NXPE4: variants seen among roughly 807,000 people sequenced by gnomAD.
NXPE4 encodes NXPE family member 4.
Under a neutral mutation model 33.3 loss-of-function variants are expected in NXPE4, and 42 were observed. The ratio of observed to expected loss-of-function variants is 1.26; its 90% confidence interval spans 0.98 to 1.63. NXPE4 has a LOEUF of 1.63. Ranked by LOEUF, NXPE4 falls within the 40% of genes most tolerant of loss-of-function variation. NXPE4 has a pLI of 0.00. For missense variants in NXPE4, 709 were observed against 647.6 expected, an observed-to-expected ratio of 1.09 and a Z score of -1.03; for synonymous variants, 253 against 234.9, an observed-to-expected ratio of 1.08 and a Z score of -0.71.
chr11:114,630,849 AAAAAG>A, the NXPE4 span, among the ~76,000 whole-genome samples: 45 of 152,004 alleles, frequency 3.0e-4, no homozygotes, highest in African/African-American at 1.1e-3. Flanking sequence ...CAACCCCATC[AAAAAG>A]TGGGCAAAGG....
the NXPE4 span, among the ~76,000 whole-genome samples, chr11:114,637,977 G>A: frequency 0.14 from 21,834 of 151,270 alleles, 1,998 homozygotes; most frequent in East Asian, 0.38. Context: ...TCTTTGTGGC[G>A]TTCTCTGTAT....
the NXPE4 span, among the ~76,000 whole-genome samples, chr11:114,644,879 T>C: frequency 1.3e-5 from 2 of 151,844 alleles, no homozygotes; most frequent in Admixed American, 1.3e-4. Flanking sequence ...TATAAACAAA[T>C]TGACCACTAA....
the NXPE4 span, among the ~76,000 whole-genome samples, chr11:114,650,921 C>T: frequency 6.6e-6 from 1 of 152,094 alleles, no homozygotes; most frequent in South Asian, 2.1e-4. Flanking sequence ...CCTGGTAATA[C>T]TGGCTAACAG....
At chr11:114,601,658 A>AT in the NXPE4 span, among the ~76,000 whole-genome samples, 19 of 41,618 alleles carry the variant, frequency 4.6e-4, no homozygotes, top group African/African-American at 2.0e-3. Context: ...TATATATTAT[A>AT]AATAATTATA....
chr11:114,610,421 T>C, the NXPE4 span, among the ~76,000 whole-genome samples: 1 of 151,916 alleles, frequency 6.6e-6, no homozygotes. Context: ...TAATACCTAT[T>C]GCCTCTCGGG....
chr11:114,613,861 G>C, the NXPE4 span, among the ~76,000 whole-genome samples: 7,420 of 151,658 alleles, frequency 0.049, 608 homozygotes, highest in African/African-American at 0.17. Context: ...TTGCCTAATA[G>C]GTAACCACTT....
At chr11:114,602,669 C>G in the NXPE4 span, among the ~76,000 whole-genome samples, 1 of 141,108 alleles carries the variant, frequency 7.1e-6, no homozygotes, top group Non-Finnish European at 1.5e-5. Flanking sequence ...ATAATAATTA[C>G]AGAATCATAT....
the NXPE4 span, among the ~76,000 whole-genome samples, chr11:114,639,844 A>AAAATATAATATATATTATATTAAATATT: frequency 1.6e-4 from 18 of 110,488 alleles, no homozygotes; most frequent in Non-Finnish European, 2.8e-4. Context: ...TATTAAATAT[A>AAAATATAATATATATTATATTAAATATT]AAATATAATA....
chr11:114,613,013 C>T, the NXPE4 span, among the ~76,000 whole-genome samples: 1 of 151,932 alleles, frequency 6.6e-6, no homozygotes, highest in Non-Finnish European at 1.5e-5. Flanking sequence ...TTAGTGTTGC[C>T]TCTAGGGTAA....
chr11:114,610,866 C>T, the NXPE4 span, among the ~76,000 whole-genome samples: 21 of 151,854 alleles, frequency 1.4e-4, no homozygotes, highest in South Asian at 8.3e-4. Context: ...CACTGTTCCC[C>T]GGGGGAAAAT....
chr11:114,580,340 T>G lies in NXPE4; in HGVS notation c.893-2A>C. 1 of 1,613,334 alleles carries G rather than the reference T, an allele frequency of 6.2e-7. No homozygotes were observed. The highest frequency in any genetic ancestry group is 1.1e-5 in the South Asian group (1 of 91,068). On this transcript the variant is annotated splice_acceptor_variant, in intron 4 of 5. Transcript: ENST00000375478. LOFTEE classifies it high-confidence loss of function. ...TCTCTTTCATTGCAACTGTTTCTTC[T>G]GCCAAAGAATCAATGAGATAGGATC... is the stretch of plus-strand genomic sequence containing the variant.
intron 2 of NXPE4, chr11:114,583,899 C>A: frequency 5.1e-6 from 2 of 390,692 alleles, no homozygotes; most frequent in Non-Finnish European, 1.0e-5. Flanking sequence ...GTTATTGGGG[C>A]TGGCAAAGGC....
At chr11:114,627,279 G>GA in the NXPE4 span, among the ~76,000 whole-genome samples, 1 of 151,980 alleles carries the variant, frequency 6.6e-6, no homozygotes, top group African/African-American at 2.4e-5. Context: ...GAAAGGTCGG[G>GA]TTACCCTCAA....
intron 5 of NXPE4, among the ~76,000 whole-genome samples, chr11:114,579,581 T>C (rs554741774): frequency 1.3e-5 from 2 of 152,218 alleles, no homozygotes; most frequent in Non-Finnish European, 2.9e-5. Flanking sequence ...ATGACAGTAA[T>C]GATACCTTAC....
At chr11:114,605,632 G>C in the NXPE4 span, among the ~76,000 whole-genome samples, 3 of 151,546 alleles carry the variant, frequency 2.0e-5, no homozygotes, top group Non-Finnish European at 2.9e-5. Context: ...GTGTTGCCTC[G>C]TGGGTAACCA....
At chr11:114,597,525 C>T (rs113696314), upstream of NXPE4, among the ~76,000 whole-genome samples, 4 of 152,282 alleles carry the variant, frequency 2.6e-5, no homozygotes, top group African/African-American at 9.6e-5. Context: ...CATTTTTATG[C>T]ATACATGGGT....
At chr11:114,642,978 T>G in the NXPE4 span, among the ~76,000 whole-genome samples, 1 of 152,004 alleles carries the variant, frequency 6.6e-6, no homozygotes, top group African/African-American at 2.4e-5. Context: ...AGATCGTGGT[T>G]TTGTGGTTTT....
At chr11:114,642,324 A>T in the NXPE4 span, among the ~76,000 whole-genome samples, 1 of 152,028 alleles carries the variant, frequency 6.6e-6, no homozygotes. Context: ...GTAGTTCTCC[A>T]CATGTGCAGA....
chr11:114,581,445 A>G (rs1320310742), intron 4 of NXPE4, among the ~76,000 whole-genome samples: 4 of 152,140 alleles, frequency 2.6e-5, no homozygotes, highest in Admixed American at 6.6e-5. Context: ...TAGAATTGGG[A>G]AAGAGTTAAC....
Sources: allele counts gnomAD v4.1 joint callset (sites outside exome capture counted in the v4.1 genomes callset), GRCh38; gene constraint gnomAD v4.1.1; transcripts MANE v1.5; gene names NCBI Gene and HGNC (gene_info 2026-07-23, HGNC 2026-07-21).